The following CCDC66 variants were observed in gnomAD, a reference collection of about 807,000 sequenced individuals.
The protein encoded by CCDC66 is coiled-coil domain containing 66, also known as coiled-coil domain-containing protein 66.
CCDC66 carries 133 observed loss-of-function variants against 128.3 expected under a neutral mutation model. That is an observed-to-expected ratio of 1.04 (90% CI 0.90 to 1.20). The LOEUF (loss-of-function observed/expected upper bound fraction) is 1.20, where lower values mean the gene tolerates loss of function less well. CCDC66 is among the 50% of genes most tolerant of loss of function. The pLI, the probability that CCDC66 is intolerant of heterozygous loss-of-function variation, is 0.00. For synonymous variants in CCDC66, 387 were observed against 357.0 expected (o/e 1.08, Z -0.95); for missense variants, 1,126 against 1,075.5 (o/e 1.05, Z -0.66).
At chr3:56,586,374 C>T (rs2069725546) in intron 7 of CCDC66, among the ~76,000 whole-genome samples, 1 of 150,680 alleles carries the variant, frequency 6.6e-6, no homozygotes, top group Non-Finnish European at 1.5e-5. Context: ...TTAAAAAATA[C>T]AAAAAAATTA....
Position 56,619,895 on chromosome 3 carries a change from GAGAC to G in CCDC66, c.2757_2760del (p.Gln920AlafsTer16). 6.2e-7 allele frequency: 1 copy of G among 1,613,800 alleles called. No individual in the cohort carries two copies. The highest frequency in any genetic ancestry group is 1.3e-5 in the African/African-American group (1 of 75,056). On this transcript the variant is annotated frameshift_variant and splice_region_variant, in exon 17 of 18. Transcript: ENST00000394672. LOFTEE classifies it high-confidence loss of function. ...CAATCCTTAAGGGACTTTCAGAACTGAGACAGGTATGAGCTTTTTCAAGTGTAGA... is the reference window on the plus strand; with the variant it reads ...CAATCCTTAAGGGACTTTCAGAACTGAGGTATGAGCTTTTTCAAGTGTAGA...
At position 56,620,089 on chromosome 3, in the gene CCDC66, G is replaced by A. The variant is rs187247958; in HGVS notation, c.2760+188G>A. The A allele has an allele frequency of 2.2e-4, 103 of 461,174 alleles. 1 individual carries two copies. In the East Asian group the frequency reaches 2.9e-3, roughly 13 times the overall value. 28.6% of individuals were successfully genotyped at this position (461,174 alleles called of 1,614,324 possible). A position where few individuals can be genotyped will look rare whatever the true frequency, so the allele number is the denominator to read the frequency against. ...TCCTAAGACTTGCTTTTACACTGCC[G>A]TCTTTGAGTAGTTCTTTCCAGTACG... On this transcript the variant is annotated intron_variant, in intron 17 of 17. Transcript: ENST00000394672.
chr3:56,612,143 A>G (rs553464545), intron 10 of CCDC66, among the ~76,000 whole-genome samples: 6 of 152,214 alleles, frequency 3.9e-5, no homozygotes, highest in Non-Finnish European at 8.8e-5. Flanking sequence ...GCACCTTGAT[A>G]TCTGCATATC....
chr3:56,616,505 CTGTT>C (rs1391261550), intron 13 of CCDC66: 1 of 158,646 alleles, frequency 6.3e-6, no homozygotes, highest in Non-Finnish European at 1.4e-5. Context: ...TACTTCATTC[CTGTT>C]TGTCACTGAA....
intron 10 of CCDC66, among the ~76,000 whole-genome samples, chr3:56,605,478 T>G (rs1370546820): frequency 6.6e-6 from 1 of 152,076 alleles, no homozygotes; most frequent in Non-Finnish European, 1.5e-5. Context: ...TTTTTGTTGT[T>G]GATGCTAATC....
At chr3:56,577,242 A>G (rs889128694) in intron 7 of CCDC66, among the ~76,000 whole-genome samples, 1 of 151,714 alleles carries the variant, frequency 6.6e-6, no homozygotes, top group Admixed American at 6.6e-5. Flanking sequence ...GTCTGTTCAT[A>G]TCCTTTGCCC....
Position 56,582,640 on chromosome 3 carries a change from T to C in CCDC66, c.937-10330T>C, listed in dbSNP as rs1357834867. On this transcript the variant is annotated intron_variant, in intron 7 of 17. Coordinates refer to ENST00000394672, the MANE Select transcript of CCDC66 (RefSeq NM_001141947.3). ...GTGTTGGTTTTATCTCCTGCAACTT[T>C]GCTGAATTTATTCTAAAAGTGTTTT... 5.3e-5 allele frequency among the ~76,000 whole-genome samples: 8 copies of C among 151,698 alleles called. 1 individual carries two copies. The highest frequency in any genetic ancestry group is 4.0e-4 in the Admixed American group (6 of 15,056).
At chr3:56,584,105 G>A (rs1194692311) in intron 7 of CCDC66, among the ~76,000 whole-genome samples, 4 of 102,010 alleles carry the variant, frequency 3.9e-5, no homozygotes, top group Admixed American at 9.8e-5. Context: ...CTGGCCGGGC[G>A]GGGGCTGCCC....
chr3:56,621,427 A>G (rs2107508696), intron 17 of CCDC66, 105 bp from the exon 18 acceptor site: 1 of 789,166 alleles, frequency 1.3e-6, no homozygotes, highest in East Asian at 2.7e-5. Flanking sequence ...ACAAAATTTT[A>G]TCCTAAGCGA....
chr3:56,615,861 A>G (rs749478266), intron 12 of CCDC66, 61 bp from the exon 13 acceptor site: 4 of 1,393,830 alleles, frequency 2.9e-6, no homozygotes, highest in East Asian at 2.6e-5. Flanking sequence ...AGTTGCTGCT[A>G]TACATAATTT....
At chr3:56,604,826 G>T (rs972379627) in intron 10 of CCDC66, among the ~76,000 whole-genome samples, 2 of 152,026 alleles carry the variant, frequency 1.3e-5, no homozygotes, top group Non-Finnish European at 2.9e-5. Context: ...GTCTTGCTAG[G>T]TTGGGGAAGT....
At chr3:56,573,012 A>T (rs1031077891) in intron 7 of CCDC66, 5 of 152,244 alleles carry the variant, frequency 3.3e-5, no homozygotes, top group Admixed American at 6.5e-5. Flanking sequence ...CTAAGTTTTC[A>T]TGAAGTTGGT....
intron 16 of CCDC66, 109 bp downstream of exon 16, chr3:56,619,636 T>C (rs2076079590): frequency 1.3e-6 from 2 of 1,487,670 alleles, no homozygotes; most frequent in African/African-American, 2.8e-5. Context: ...CTATAAAGTT[T>C]CTTGAATATG....
intron 10 of CCDC66, 128 bp from the exon 11 acceptor site, chr3:56,613,461 T>A: frequency 1.1e-6 from 1 of 921,224 alleles, no homozygotes; most frequent in Non-Finnish European, 1.6e-6. Flanking sequence ...AGTATGATTG[T>A]CTACTCATTA....
chr3:56,601,233 C>A (rs1390936528), intron 10 of CCDC66, among the ~76,000 whole-genome samples: 3 of 152,094 alleles, frequency 2.0e-5, no homozygotes, highest in Non-Finnish European at 4.4e-5. Context: ...GTAAGGAATC[C>A]TTTCCCCATT....
At chr3:56,562,891 C>T (rs1290779786) in intron 3 of CCDC66, among the ~76,000 whole-genome samples, 1 of 151,634 alleles carries the variant, frequency 6.6e-6, no homozygotes. Context: ...AGGCAATCCA[C>T]CCACCTCGGC....
At chr3:56,559,449 G>A in intron 2 of CCDC66, 120 bp from the exon 3 acceptor site, 1 of 623,254 alleles carries the variant, frequency 1.6e-6, no homozygotes, top group Non-Finnish European at 2.7e-6. Context: ...TAAAGTTTAT[G>A]CTTTCGAGGA....
rs368646114 is a variant in CCDC66 at position 56,593,119 on chromosome 3, G to T, written c.1068+18G>T. The T allele has an allele frequency of 7.8e-6, 12 of 1,539,760 alleles. No individual in the cohort carries two copies. In the African/African-American group the frequency reaches 8.4e-5, roughly 11 times the overall value. On this transcript the variant is annotated intron_variant, in intron 8 of 17. Transcript: ENST00000394672. ...ATTCAAAGGTAACTTATGAGGTTTT[G>T]TGGCTATAAAAGAAAAAATAAAATC... is the stretch of plus-strand genomic sequence containing the variant.
intron 2 of CCDC66, 30 bp downstream of exon 2, chr3:56,558,940 TAA>T: frequency 1.4e-6 from 2 of 1,451,384 alleles, no homozygotes; most frequent in Non-Finnish European, 1.9e-6. Context: ...TCTGAAATGT[TAA>T]CTTTTAAATT....
Sources: gnomAD v4.1 joint callset for allele counts (sites outside exome capture counted in the v4.1 genomes callset) on GRCh38, gnomAD v4.1.1 for gene constraint, MANE v1.5 for transcripts, NCBI Gene and HGNC (gene_info 2026-07-23, HGNC 2026-07-21) for gene names.